Variants in CTNND2 observed in about 807,000 individuals in gnomAD.
CTNND2 encodes catenin delta-2.
Under a neutral mutation model 144.4 loss-of-function variants are expected in CTNND2, and 22 were observed. The observed-to-expected ratio is 0.15, with a 90% CI of 0.11 to 0.22. The LOEUF (loss-of-function observed/expected upper bound fraction) is 0.22, where lower values mean the gene tolerates loss of function less well. Ranked by LOEUF, CTNND2 falls within the 10% of genes least tolerant of loss-of-function variation. The pLI is 1.00. For synonymous variants in CTNND2, 751 were observed against 695.6 expected (o/e 1.08, Z -1.25); for missense variants, 1,353 against 1,618.8 (o/e 0.84, Z 2.82).
In CTNND2 at chr5:11,864,988, G is replaced by A. The variant is rs531383231; in HGVS notation, c.37+38829C>T. 5.8e-5 allele frequency among the ~76,000 whole-genome samples: 8 copies of A among 137,742 alleles called. No individual in the cohort carries two copies. The South Asian group carries it at 7.2e-4, about 12-fold the overall frequency. 90.4% of individuals were successfully genotyped at this position (137,742 alleles called of 152,430 possible). A position where few individuals can be genotyped will look rare whatever the true frequency, so the allele number is the denominator to read the frequency against. The stretch of plus-strand genomic sequence containing the variant: ...CAGCTCACTGCAACCTCTGCCTCCC[G>A]GGTTCAGGCAATCCTCCTGCCTTCA... On this transcript the variant is annotated intron_variant, in intron 1 of 21. Transcript: ENST00000304623.
chr5:11,409,084 G>GT (rs563814077), intron 5 of CTNND2, among the ~76,000 whole-genome samples: 1 of 151,932 alleles, frequency 6.6e-6, no homozygotes, highest in East Asian at 1.9e-4. Flanking sequence ...CTCTGAATGT[G>GT]TTTTTTCCCC....
chr5:11,597,017 A>G (rs943115481), intron 2 of CTNND2, among the ~76,000 whole-genome samples: 1 of 152,206 alleles, frequency 6.6e-6, no homozygotes, highest in Non-Finnish European at 1.5e-5. Context: ...GGAGCAGGAC[A>G]GGCAGCGAAC....
chr5:11,523,715 C>T (rs993111101), intron 3 of CTNND2, among the ~76,000 whole-genome samples: 1 of 152,206 alleles, frequency 6.6e-6, no homozygotes, highest in African/African-American at 2.4e-5. Context: ...ACTTCCTGCA[C>T]CTGCTCTTAT....
chr5:11,780,570 C>T (rs1310960503), intron 1 of CTNND2, among the ~76,000 whole-genome samples: 1 of 152,156 alleles, frequency 6.6e-6, no homozygotes, highest in Non-Finnish European at 1.5e-5. Flanking sequence ...CTAGACTCCA[C>T]AGCCAGCAGG....
chr5:11,814,057 G>A (rs1265673640), intron 1 of CTNND2, among the ~76,000 whole-genome samples: 2 of 151,966 alleles, frequency 1.3e-5, no homozygotes, highest in Non-Finnish European at 2.9e-5. Context: ...GTGTATTTAC[G>A]TACCTGACAT....
intron 16 of CTNND2, among the ~76,000 whole-genome samples, chr5:11,034,213 GTTTGT>G (rs1335378884): frequency 6.6e-6 from 1 of 152,148 alleles, no homozygotes; most frequent in East Asian, 1.9e-4. Context: ...AAAAGATTAG[GTTTGT>G]TTCCTCAATT....
chr5:11,119,537 G>A (rs1242199770), intron 12 of CTNND2, among the ~76,000 whole-genome samples: 3 of 152,178 alleles, frequency 2.0e-5, no homozygotes, highest in Non-Finnish European at 4.4e-5. Context: ...TTTCTGCTAG[G>A]GAAAAGGTGG....
intron 2 of CTNND2, among the ~76,000 whole-genome samples, chr5:11,640,225 T>C (rs537196338): frequency 1.3e-4 from 20 of 152,312 alleles, no homozygotes; most frequent in Non-Finnish European, 2.2e-4. Context: ...AACTGCAAAA[T>C]AGAAGGAAAT....
At chr5:11,625,413 C>CTCTCTCTCTCTT (rs1347369328) in intron 2 of CTNND2, among the ~76,000 whole-genome samples, 1,673 of 151,904 alleles carry the variant, frequency 0.011, 26 homozygotes, top group African/African-American at 0.039. Context: ...CTCTCTCTCT[C>CTCTCTCTCTCTT]TCTCTCTCTC....
chr5:11,258,249 C>T (rs551302283), intron 9 of CTNND2, among the ~76,000 whole-genome samples: 5 of 152,242 alleles, frequency 3.3e-5, no homozygotes, highest in Admixed American at 3.3e-4. Context: ...GGGAGGCAGC[C>T]GACATATGGC....
intron 2 of CTNND2, among the ~76,000 whole-genome samples, chr5:11,604,200 G>A (rs933279277): frequency 2.0e-5 from 3 of 152,200 alleles, no homozygotes; most frequent in African/African-American, 7.2e-5. Context: ...TATGGGGAGT[G>A]AGACTTTGGA....
At chr5:11,047,387 A>G (rs1487658502) in intron 16 of CTNND2, among the ~76,000 whole-genome samples, 1 of 152,172 alleles carries the variant, frequency 6.6e-6, no homozygotes, top group Non-Finnish European at 1.5e-5. Context: ...CCCACGTAAA[A>G]GGCATTGTTT....
intron 10 of CTNND2, among the ~76,000 whole-genome samples, chr5:11,203,514 C>T (rs1264482522): frequency 1.3e-5 from 2 of 152,184 alleles, no homozygotes; most frequent in Admixed American, 6.5e-5. Context: ...GCGATCTTGG[C>T]TCACTGCAAC....
At chr5:11,168,616 G>A (rs1325913862) in intron 11 of CTNND2, among the ~76,000 whole-genome samples, 1 of 152,176 alleles carries the variant, frequency 6.6e-6, no homozygotes, top group Non-Finnish European at 1.5e-5. Flanking sequence ...TCTCTGGAAA[G>A]TGGTCCTGGA....
At chr5:11,618,582 T>C (rs536140583) in intron 2 of CTNND2, among the ~76,000 whole-genome samples, 3 of 152,316 alleles carry the variant, frequency 2.0e-5, no homozygotes, top group South Asian at 2.1e-4. Context: ...TGGAGTCAAA[T>C]GATAATAAAT....
chr5:11,335,389 C>T (rs550312302), intron 9 of CTNND2, among the ~76,000 whole-genome samples: 3 of 152,100 alleles, frequency 2.0e-5, no homozygotes, highest in Non-Finnish European at 4.4e-5. Context: ...ATTTTGAATG[C>T]TCCATTTTTG....
chr5:11,535,767 C>T (rs1286936239), intron 3 of CTNND2, among the ~76,000 whole-genome samples: 1 of 152,092 alleles, frequency 6.6e-6, no homozygotes, highest in African/African-American at 2.4e-5. Context: ...GATCTTTATT[C>T]CCCCCGGTGT....
At chr5:11,179,151 G>A (rs1760759998) in intron 11 of CTNND2, among the ~76,000 whole-genome samples, 1 of 151,572 alleles carries the variant, frequency 6.6e-6, no homozygotes, top group East Asian at 1.9e-4. Context: ...AATTAGTCCA[G>A]CGTGGTGGCA....
rs189736589 is a variant in CTNND2, at chr5:11,194,966, C to T, written c.1975+4482G>A. Reference sequence around the variant, plus strand: ...AATGTTGGATATCAGTGAATTCTTTCAGAACATATGATAAAAAGGCAAAGG... The same window carrying T: ...AATGTTGGATATCAGTGAATTCTTTTAGAACATATGATAAAAAGGCAAAGG... On this transcript the variant is annotated intron_variant, in intron 11 of 21. Coordinates refer to ENST00000304623, the MANE Select transcript of CTNND2 (RefSeq NM_001332.4). Among the ~76,000 whole-genome samples, 70 of 152,174 alleles carry T rather than the reference C, an allele frequency of 4.6e-4. 1 individual carries two copies. The highest frequency in any genetic ancestry group is 1.5e-3 in the African/African-American group (62 of 41,504).
Sources: allele counts gnomAD v4.1 joint callset (sites outside exome capture counted in the v4.1 genomes callset), GRCh38; gene constraint gnomAD v4.1.1; transcripts MANE v1.5; gene names NCBI Gene and HGNC (gene_info 2026-07-23, HGNC 2026-07-21).